WDR76: variants seen among roughly 807,000 people sequenced by gnomAD.
WDR76 encodes the protein WD repeat-containing protein 76.
WDR76 carries 52 observed loss-of-function variants against 70.2 expected under a neutral mutation model. The observed-to-expected ratio is 0.74, with a 90% CI of 0.59 to 0.93. The LOEUF is 0.93. WDR76 is among the 40% of genes least tolerant of loss of function. The pLI is 0.00. For synonymous variants in WDR76, 292 were observed against 271.1 expected (o/e 1.08, Z -0.76); for missense variants, 756 against 760.2 (o/e 0.99, Z 0.07).
chr15:43,833,659 G>C (rs2087619767), intron 2 of WDR76, among the ~76,000 whole-genome samples: 1 of 145,402 alleles, frequency 6.9e-6, no homozygotes. Context: ...TTGAGACGGA[G>C]TCTTGCTCTG....
chr15:43,856,604 T>C (rs1230514226), intron 9 of WDR76, among the ~76,000 whole-genome samples: 3 of 138,456 alleles, frequency 2.2e-5, no homozygotes, highest in Non-Finnish European at 4.8e-5. Flanking sequence ...GTTTTGTTTC[T>C]TTTTTTTTTT....
intron 7 of WDR76, 128 bp downstream of exon 7, chr15:43,842,799 G>A: frequency 1.2e-6 from 1 of 840,372 alleles, no homozygotes; most frequent in Non-Finnish European, 1.8e-6. Context: ...TTGTTTTTGT[G>A]TATTTCCTCA....
rs1416555705 is a variant in WDR76, at chr15:43,867,389, C to T, written c.*997C>T. ...GTGTTTTTCAGACTGGGTTTTTGCT[C>T]TTCACATGAAATCAAGTTAGATGAC... On this transcript the variant is annotated 3_prime_UTR_variant, in exon 13 of 13. Coordinates refer to ENST00000263795, the MANE Select transcript of WDR76 (RefSeq NM_024908.4). 6.6e-6 allele frequency: 1 copy of T among 151,854 alleles called. No individual in the cohort carries two copies. Among genetic ancestry groups the T allele is most frequent in the Non-Finnish European group, 1.5e-5 (1 of 68,010 alleles). 9.4% of individuals were successfully genotyped at this position (151,854 alleles called of 1,614,324 possible). A position where few individuals can be genotyped will look rare whatever the true frequency, so the allele number is the denominator to read the frequency against.
At chr15:43,834,305 T>G (rs1470607276) in intron 2 of WDR76, among the ~76,000 whole-genome samples, 4 of 150,580 alleles carry the variant, frequency 2.7e-5, no homozygotes, top group Non-Finnish European at 5.9e-5. Context: ...TAACTTTTTT[T>G]TTTTTTTTTT....
intron 8 of WDR76, among the ~76,000 whole-genome samples, chr15:43,847,660 A>G (rs975941549): frequency 2.6e-5 from 4 of 151,660 alleles, no homozygotes; most frequent in Non-Finnish European, 5.9e-5. Context: ...TGACCTTGTA[A>G]TCCACCCGCC....
At chr15:43,863,572 A>G (rs2088032239) in intron 12 of WDR76, among the ~76,000 whole-genome samples, 1 of 151,726 alleles carries the variant, frequency 6.6e-6, no homozygotes, top group Non-Finnish European at 1.5e-5. Context: ...AAAAAAAAAA[A>G]AAAAAGAAAC....
In WDR76 at chr15:43,861,887, A is replaced by T. The variant is rs199616823; in HGVS notation, c.1616+501A>T. Reference sequence around the variant, plus strand: ...AGTGTCACTCTGTTGCCTAGGCTGGAGTGCAGTGGCGTGATCTCTGCTCAC... The same window carrying T: ...AGTGTCACTCTGTTGCCTAGGCTGGTGTGCAGTGGCGTGATCTCTGCTCAC... On this transcript the variant is annotated intron_variant, in intron 12 of 12. Transcript: ENST00000263795. Among the ~76,000 whole-genome samples, 31 of 130,282 alleles carry T rather than the reference A, an allele frequency of 2.4e-4. No individual in the cohort carries two copies. The East Asian group carries it at 6.6e-3, about 28-fold the overall frequency. The allele number at this position is 130,282 out of a possible 152,430, so 85.5% of individuals were successfully genotyped here.
intron 5 of WDR76, among the ~76,000 whole-genome samples, chr15:43,841,020 C>CTT: frequency 6.9e-6 from 1 of 144,664 alleles, no homozygotes; most frequent in African/African-American, 2.5e-5. Flanking sequence ...TTTGGTATTT[C>CTT]TTTTTTTTTT....
chr15:43,842,269 A>G, intron 5 of WDR76, 146 bp from the exon 6 acceptor site: 1 of 645,676 alleles, frequency 1.5e-6, no homozygotes, highest in Non-Finnish European at 2.7e-6. Context: ...TTATTGAACA[A>G]TTATTTTGAA....
chr15:43,841,937 G>T (rs1555462097), intron 5 of WDR76, among the ~76,000 whole-genome samples: 1 of 151,550 alleles, frequency 6.6e-6, no homozygotes, highest in Non-Finnish European at 1.5e-5. Context: ...GTGCAGTCTT[G>T]GCTCACTGCA....
chr15:43,839,534 A>C (rs1423666021), intron 4 of WDR76, 71 bp from the exon 5 acceptor site: 2 of 1,458,708 alleles, frequency 1.4e-6, no homozygotes, highest in Middle Eastern at 1.8e-4. Context: ...CCTAGAAGTT[A>C]TCTCTTTAGT....
At chr15:43,850,400 A>G (rs773001198) in intron 8 of WDR76, among the ~76,000 whole-genome samples, 1 of 151,890 alleles carries the variant, frequency 6.6e-6, no homozygotes, top group Non-Finnish European at 1.5e-5. Flanking sequence ...GATTCATGCC[A>G]TTCTCCTGCC....
chr15:43,829,438 G>A (rs1317249124), intron 2 of WDR76, among the ~76,000 whole-genome samples: 1 of 151,670 alleles, frequency 6.6e-6, no homozygotes, highest in African/African-American at 2.4e-5. Context: ...GACTCATAGT[G>A]GGACAGCATG....
intron 8 of WDR76, among the ~76,000 whole-genome samples, chr15:43,848,401 T>C (rs1221322609): frequency 6.6e-6 from 1 of 152,184 alleles, no homozygotes; most frequent in Admixed American, 6.5e-5. Context: ...TCTATACTGG[T>C]AAATTGACCA....
chr15:43,853,827 A>G (rs1449447628), intron 9 of WDR76, among the ~76,000 whole-genome samples: 1 of 148,086 alleles, frequency 6.8e-6, no homozygotes, highest in Non-Finnish European at 1.5e-5. Flanking sequence ...AATCGCTTGA[A>G]CCCGGGAGGT....
rs771247520 is a variant in WDR76, at chr15:43,858,678, C to T, written c.1417C>T (p.His473Tyr). The change falls in exon 11 of 13, where the codon CAT becomes TAT. Residue 473 changes from histidine to tyrosine, a missense_variant. By Grantham distance (83) the His-to-Tyr change is moderately conservative. Coordinates refer to ENST00000263795, the MANE Select transcript of WDR76 (RefSeq NM_024908.4). ...YFITAGLRDT[H>Y]IYDARRLNSR... is the part of the protein sequence containing the mutation. ...TTGTTTCTCCCATTACAGGGATACT[C>T]ATATTTATGATGCAAGGCGATTGAA... 1.2e-6 allele frequency: 2 copies of T among 1,613,676 alleles called. No individual in the cohort carries two copies. The highest frequency in any genetic ancestry group is 2.7e-5 in the African/African-American group (2 of 74,918).
At chr15:43,836,031 T>G in intron 3 of WDR76, 130 bp from the exon 4 acceptor site, 1 of 701,270 alleles carries the variant, frequency 1.4e-6, no homozygotes, top group Non-Finnish European at 2.2e-6. Context: ...TCATGACTCA[T>G]GGCCTATCTT....
At chr15:43,848,271 A>T (rs1465293343) in intron 8 of WDR76, among the ~76,000 whole-genome samples, 1 of 152,156 alleles carries the variant, frequency 6.6e-6, no homozygotes, top group African/African-American at 2.4e-5. Context: ...TTACTGCAAT[A>T]AGAAAGAAGC....
chr15:43,842,448 T>G lies in WDR76; in HGVS notation c.766T>G (p.Ser256Ala). The G allele has an allele frequency of 6.2e-7, 1 of 1,614,056 alleles. No individual in the cohort carries two copies. ...LLPPGPLEMT[S>A]ENQEDNNERF... is the part of the protein sequence containing the mutation. The stretch of plus-strand genomic sequence containing the variant: ...ACCTCCTGGGCCTTTAGAAATGACT[T>G]CTGAAAATCAAGAAGACAACAATGA... Residue 256 changes from serine to alanine, a missense_variant, in exon 6 of 13, where the codon TCT becomes GCT. Physicochemically the swap from Ser to Ala is moderately conservative, Grantham distance 99. Transcript: ENST00000263795.
Sources: allele counts gnomAD v4.1 joint callset (sites outside exome capture counted in the v4.1 genomes callset), GRCh38; gene constraint gnomAD v4.1.1; transcripts MANE v1.5; gene names NCBI Gene and HGNC (gene_info 2026-07-23, HGNC 2026-07-21).